The following RBFOX1 variants were observed in gnomAD, a reference collection of about 807,000 sequenced individuals.
RBFOX1 encodes RNA binding fox-1 homolog 1.
RBFOX1 carries 8 observed loss-of-function variants against 57.7 expected under a neutral mutation model. The ratio of observed to expected loss-of-function variants is 0.14; its 90% CI spans 0.08 to 0.25. RBFOX1 has a LOEUF of 0.25. Among genes scored for constraint, RBFOX1 ranks in the 10% least tolerant of loss-of-function variants. The probability of loss-of-function intolerance (pLI) is 1.00; values close to 1 mark genes in which losing one functional copy is unlikely to be tolerated. For missense variants in RBFOX1, 611 were observed against 548.5 expected (o/e 1.11, Z -1.14); for synonymous variants, 326 against 222.4 (o/e 1.47, Z -4.15).
chr16:5,249,811 T>C (rs1018298188), intron 1 of RBFOX1, among the ~76,000 whole-genome samples: 2 of 152,210 alleles, frequency 1.3e-5, no homozygotes, highest in Admixed American at 1.3e-4. Flanking sequence ...ATACAAAAGT[T>C]AGCTGGGCTT....
chr16:6,829,112 C>T (rs1464083635), intron 3 of RBFOX1, among the ~76,000 whole-genome samples: 3 of 152,080 alleles, frequency 2.0e-5, no homozygotes, highest in Admixed American at 6.5e-5. Flanking sequence ...CCACTAGTAT[C>T]AGTAGAGTCC....
At chr16:5,351,145 A>T (rs576822426) in intron 1 of RBFOX1, among the ~76,000 whole-genome samples, 1 of 152,304 alleles carries the variant, frequency 6.6e-6, no homozygotes, top group East Asian at 1.9e-4. Flanking sequence ...CATTTTGCCC[A>T]TGATGGGAGT....
At chr16:6,455,672 G>A (rs139972636) in intron 2 of RBFOX1, among the ~76,000 whole-genome samples, 6 of 152,102 alleles carry the variant, frequency 3.9e-5, no homozygotes, top group African/African-American at 1.2e-4. Context: ...AATATATGAC[G>A]ACTTTTTAAT....
At chr16:7,080,414 C>T (rs1238466882) in intron 4 of RBFOX1, among the ~76,000 whole-genome samples, 1 of 152,138 alleles carries the variant, frequency 6.6e-6, no homozygotes, top group Non-Finnish European at 1.5e-5. Flanking sequence ...GAACGGTCTT[C>T]ACTATGATTT....
At chr16:6,941,309 T>TCCTTCCTTCCTTCCTA (rs1301742339) in intron 3 of RBFOX1, among the ~76,000 whole-genome samples, 7 of 33,600 alleles carry the variant, frequency 2.1e-4, no homozygotes, top group Non-Finnish European at 4.6e-4. Context: ...CCTCCTTCCT[T>TCCTTCCTTCCTTCCTA]CCTTCCTTCC....
chr16:5,320,006 C>G (rs973679885), intron 1 of RBFOX1, among the ~76,000 whole-genome samples: 2 of 152,188 alleles, frequency 1.3e-5, no homozygotes, highest in African/African-American at 4.8e-5. Flanking sequence ...CCTGACCTTA[C>G]TACAAGGGAG....
At chr16:5,394,023 CT>C (rs200707486) in intron 1 of RBFOX1, among the ~76,000 whole-genome samples, 6 of 151,666 alleles carry the variant, frequency 4.0e-5, no homozygotes, top group Admixed American at 2.0e-4. Context: ...ATTTCTTTTT[CT>C]TTTTTTTCTT....
chr16:7,590,543 T>C (rs199501378), intron 7 of RBFOX1, among the ~76,000 whole-genome samples: 1 of 152,056 alleles, frequency 6.6e-6, no homozygotes, highest in South Asian at 2.1e-4. Context: ...TGTATGCAGA[T>C]ATAGCTACTC....
intron 3 of RBFOX1, among the ~76,000 whole-genome samples, chr16:6,864,750 C>A (rs866958925): frequency 6.6e-6 from 1 of 151,846 alleles, no homozygotes; most frequent in East Asian, 1.9e-4. Flanking sequence ...TCTGTTCAAC[C>A]TGTATTTTTA....
At chr16:7,363,843 T>C (rs1413826894) in intron 4 of RBFOX1, among the ~76,000 whole-genome samples, 1 of 152,134 alleles carries the variant, frequency 6.6e-6, no homozygotes, top group Non-Finnish European at 1.5e-5. Context: ...ATGTTTATTA[T>C]CTGGGTGGAG....
At chr16:6,692,315 A>G (rs901758641) in intron 3 of RBFOX1, among the ~76,000 whole-genome samples, 1 of 132,328 alleles carries the variant, frequency 7.6e-6, no homozygotes, top group African/African-American at 2.9e-5. Context: ...TAAAGAGCAG[A>G]TGTCGTTTTC....
At chr16:6,192,443 C>T (rs1040110554) in intron 1 of RBFOX1, among the ~76,000 whole-genome samples, 1 of 152,008 alleles carries the variant, frequency 6.6e-6, no homozygotes, top group Non-Finnish European at 1.5e-5. Context: ...CTCTACCTCC[C>T]TCATTTCTTC....
intron 14 of RBFOX1, among the ~76,000 whole-genome samples, chr16:7,678,239 G>C (rs2073892220): frequency 6.6e-6 from 1 of 152,138 alleles, no homozygotes; most frequent in Non-Finnish European, 1.5e-5. Flanking sequence ...CATTTACCGA[G>C]TAATCAGTTG....
rs1434069456 is a variant in RBFOX1, at chr16:7,662,498, AC to A, written c.891-2428del. 2.0e-5 allele frequency among the ~76,000 whole-genome samples: 3 copies of A among 152,146 alleles called. No homozygotes were observed. The East Asian group carries it at 5.8e-4, about 29-fold the overall frequency. On this transcript the variant is annotated intron_variant, in intron 12 of 15. Coordinates refer to ENST00000550418, the MANE Select transcript of RBFOX1 (RefSeq NM_018723.4). The stretch of plus-strand genomic sequence containing the variant: ...GCCCACCCTTCCCTCTAAAATATGA[AC>A]CCTATTCACCCAGTTATTGTCCATC...
intron 4 of RBFOX1, among the ~76,000 whole-genome samples, chr16:7,255,836 G>C (rs971620404): frequency 6.6e-6 from 1 of 152,012 alleles, no homozygotes; most frequent in African/African-American, 2.4e-5. Context: ...TATACTGACA[G>C]CACGTCTCAT....
At chr16:6,560,160 C>G (rs868415921) in intron 2 of RBFOX1, among the ~76,000 whole-genome samples, 2 of 124,574 alleles carry the variant, frequency 1.6e-5, no homozygotes, top group Non-Finnish European at 3.2e-5. Flanking sequence ...GTAATCAATT[C>G]GTTTGCCATT....
At chr16:5,465,225 T>G (rs566402719) in intron 1 of RBFOX1, among the ~76,000 whole-genome samples, 161 of 152,260 alleles carry the variant, frequency 1.1e-3, no homozygotes, top group African/African-American at 3.7e-3. Flanking sequence ...GCCTTGTAGG[T>G]GGCCATCTCC....
At chr16:7,456,066 A>G (rs1213835020) in intron 4 of RBFOX1, among the ~76,000 whole-genome samples, 1 of 152,290 alleles carries the variant, frequency 6.6e-6, no homozygotes, top group East Asian at 1.9e-4. Context: ...ATGTGGTCTT[A>G]TGCTATAGCT....
intron 4 of RBFOX1, among the ~76,000 whole-genome samples, chr16:5,933,605 G>C (rs1394961714): frequency 1.3e-5 from 2 of 152,062 alleles, no homozygotes; most frequent in African/African-American, 4.8e-5. Context: ...TATTGTCTTG[G>C]GTCTAGCAGA....
Sources: allele counts gnomAD v4.1 joint callset (sites outside exome capture counted in the v4.1 genomes callset), GRCh38; gene constraint gnomAD v4.1.1; transcripts MANE v1.5; gene names NCBI Gene and HGNC (gene_info 2026-07-23, HGNC 2026-07-21).